The following PATJ variants were observed in gnomAD, a reference collection of about 807,000 sequenced individuals.
PATJ encodes the protein PATJ crumbs cell polarity complex component, also known as inaD-like protein.
PATJ carries 190 observed loss-of-function variants against 224.9 expected under a neutral mutation model. The ratio of observed to expected loss-of-function variants is 0.84; its 90% confidence interval spans 0.75 to 0.95. The LOEUF is 0.95. Among genes scored for constraint, PATJ ranks in the 40% least tolerant of loss-of-function variants. The pLI, the probability that PATJ is intolerant of heterozygous loss-of-function variation, is 0.00. For synonymous variants in PATJ, 769 were observed against 820.3 expected (o/e 0.94, Z 1.07); for missense variants, 2,121 against 2,270.3 (o/e 0.93, Z 1.34).
At chr1:62,100,292 A>T (rs1352078587) in intron 33 of PATJ, 19 of 703,674 alleles carry the variant, frequency 2.7e-5, no homozygotes, top group Non-Finnish European at 4.5e-5. Flanking sequence ...GTAATTTATT[A>T]AAAAAAGAAT....
intron 19 of PATJ, 117 bp from the exon 20 acceptor site, chr1:61,864,121 T>C: frequency 1.3e-6 from 1 of 755,506 alleles, no homozygotes; most frequent in Non-Finnish European, 2.2e-6. Flanking sequence ...GCTGTGCATG[T>C]TAGCTGTGCC....
chr1:62,015,556 G>A (rs1364710849), intron 28 of PATJ, among the ~76,000 whole-genome samples: 2 of 151,858 alleles, frequency 1.3e-5, no homozygotes, highest in African/African-American at 2.4e-5. Flanking sequence ...TGTGCGTGAT[G>A]GACTCTCACT....
At chr1:61,850,372 A>C (rs948484437) in intron 17 of PATJ, among the ~76,000 whole-genome samples, 10 of 152,256 alleles carry the variant, frequency 6.6e-5, no homozygotes, top group African/African-American at 2.4e-4. Flanking sequence ...TTCATGTAAC[A>C]GTCTTCTTAC....
chr1:62,127,826 A>G (rs1451253305), intron 39 of PATJ, 146 bp from the exon 40 acceptor site: 11 of 689,490 alleles, frequency 1.6e-5, no homozygotes, highest in Non-Finnish European at 2.6e-5. Flanking sequence ...AGAGCTGTCT[A>G]CTCCAAAGGT....
intron 27 of PATJ, among the ~76,000 whole-genome samples, chr1:61,932,424 T>G (rs1676166566): frequency 6.6e-6 from 1 of 152,164 alleles, no homozygotes; most frequent in Admixed American, 6.5e-5. Flanking sequence ...CAAGGAGCAC[T>G]TCCAGGAGAT....
At chr1:61,914,505 T>C (rs939183135) in intron 25 of PATJ, 82 bp from the exon 26 acceptor site, 18 of 651,780 alleles carry the variant, frequency 2.8e-5, no homozygotes, top group Non-Finnish European at 4.3e-5. Flanking sequence ...AATTCTCCAT[T>C]GTGGAATGTC....
At chr1:61,803,552 C>T (rs10789098) in intron 12 of PATJ, among the ~76,000 whole-genome samples, 31,405 of 151,906 alleles carry the variant, frequency 0.21, 3,637 homozygotes, top group East Asian at 0.47. Context: ...AGATGGTTCA[C>T]GAAAGAGGAA....
intron 13 of PATJ, 140 bp downstream of exon 13, chr1:61,805,664 A>G: frequency 1.7e-6 from 1 of 596,278 alleles, no homozygotes; most frequent in South Asian, 2.2e-5. Flanking sequence ...TCCCTAGTGG[A>G]TCAATCGATT....
At chr1:61,768,040 A>G (rs907256027) in intron 4 of PATJ, among the ~76,000 whole-genome samples, 4 of 152,012 alleles carry the variant, frequency 2.6e-5, no homozygotes, top group Admixed American at 6.6e-5. Flanking sequence ...TACATTTATG[A>G]AGTTCTCATA....
chr1:62,014,537 T>C (rs1028368230), intron 28 of PATJ, among the ~76,000 whole-genome samples: 15 of 151,160 alleles, frequency 9.9e-5, no homozygotes, highest in Non-Finnish European at 1.9e-4. Context: ...TTTCACAAAC[T>C]TTTAAAGACG....
intron 41 of PATJ, 92 bp downstream of exon 41, chr1:62,129,037 A>T (rs1666017396): frequency 1.3e-6 from 1 of 758,644 alleles, no homozygotes; most frequent in African/African-American, 1.7e-5. Flanking sequence ...ATCGCCACCC[A>T]GCAGGGTGCT....
chr1:62,104,318 CA>C (rs1319018655), intron 33 of PATJ, among the ~76,000 whole-genome samples: 1 of 152,182 alleles, frequency 6.6e-6, no homozygotes, highest in African/African-American at 2.4e-5. Context: ...CATCTATTCA[CA>C]AAGTAGATGC....
intron 27 of PATJ, among the ~76,000 whole-genome samples, chr1:61,931,790 A>G (rs1457866875): frequency 1.3e-5 from 2 of 152,074 alleles, no homozygotes; most frequent in Admixed American, 1.3e-4. Flanking sequence ...TGAAGAAGGA[A>G]CCACACTGCA....
At chr1:61,988,978 G>T (rs1225691949) in intron 27 of PATJ, among the ~76,000 whole-genome samples, 2 of 152,218 alleles carry the variant, frequency 1.3e-5, no homozygotes, top group African/African-American at 4.8e-5. Flanking sequence ...AAAAGCTGAT[G>T]AGATGATTGC....
At chr1:61,811,890 T>G (rs1428316519) in intron 14 of PATJ, among the ~76,000 whole-genome samples, 1 of 151,076 alleles carries the variant, frequency 6.6e-6, no homozygotes, top group Non-Finnish European at 1.5e-5. Context: ...TGAAACCCCA[T>G]CTCTACTAAA....
chr1:61,829,444 G>T (rs1417986052), intron 16 of PATJ, among the ~76,000 whole-genome samples: 1 of 152,144 alleles, frequency 6.6e-6, no homozygotes, highest in African/African-American at 2.4e-5. Flanking sequence ...ATCTTGCAAG[G>T]TGTGTAAATC....
chr1:62,088,111 G>C (rs1322916163), intron 33 of PATJ, among the ~76,000 whole-genome samples: 2 of 151,942 alleles, frequency 1.3e-5, no homozygotes, highest in Non-Finnish European at 2.9e-5. Flanking sequence ...GGCTGGTCTT[G>C]AACTCCCGAC....
intron 28 of PATJ, among the ~76,000 whole-genome samples, chr1:61,996,273 A>G (rs1645350791): frequency 6.6e-6 from 1 of 152,204 alleles, no homozygotes; most frequent in Non-Finnish European, 1.5e-5. Context: ...CGAAACCATA[A>G]AAGTTAAATG....
rs570469075 is a variant in PATJ at position 61,878,972 on chromosome 1, G to A, written c.2959+3606G>A. 1.1e-4 allele frequency among the ~76,000 whole-genome samples: 17 copies of A among 152,192 alleles called. No individual in the cohort carries two copies. In the East Asian group the frequency reaches 3.3e-3, roughly 30 times the overall value. On this transcript the variant is annotated intron_variant, in intron 21 of 43. Coordinates refer to ENST00000642238, the MANE Select transcript of PATJ (RefSeq NM_001350145.3). ...CTAATTTTTTTGTATTTTTAGTAGA[G>A]ATGGGGTTTCACCATGTTGGCCAGG...
Sources: gnomAD v4.1 joint callset for allele counts (sites outside exome capture counted in the v4.1 genomes callset) on GRCh38, gnomAD v4.1.1 for gene constraint, MANE v1.5 for transcripts, NCBI Gene and HGNC (gene_info 2026-07-23, HGNC 2026-07-21) for gene names.